ZDHHC6: variants seen among roughly 807,000 people sequenced by gnomAD.
ZDHHC6 encodes zDHHC palmitoyltransferase 6, also known as palmitoyltransferase ZDHHC6.
A neutral mutation model predicts 57.8 loss-of-function variants in ZDHHC6; 32 were observed. The observed-to-expected ratio is 0.55, with a 90% confidence interval of 0.42 to 0.74. The LOEUF is 0.74. Among genes scored for constraint, ZDHHC6 ranks in the 30% least tolerant of loss-of-function variants. The probability of loss-of-function intolerance (pLI) is 0.00; values close to 1 mark genes in which losing one functional copy is unlikely to be tolerated. For missense variants in ZDHHC6, 433 were observed against 500.7 expected, an observed-to-expected ratio of 0.86 and a Z score of 1.29; for synonymous variants, 128 against 158.0, an observed-to-expected ratio of 0.81 and a Z score of 1.42.
intron 7 of ZDHHC6, 42 bp from the exon 8 acceptor site, chr10:112,433,323 C>T: frequency 6.7e-7 from 1 of 1,502,744 alleles, no homozygotes; most frequent in South Asian, 1.3e-5. Context: ...AGTCTCTTGT[C>T]TCAATGTTGA....
At chr10:112,428,324 CAT>C (rs1844818381), downstream of ZDHHC6, 2 of 397,212 alleles carry the variant, frequency 5.0e-6, no homozygotes, top group East Asian at 3.6e-5. Flanking sequence ...ACAGATAACA[CAT>C]GTTGTTTCTA....
At chr10:112,425,568 G>C, downstream of ZDHHC6, 10 of 933,162 alleles carry the variant, frequency 1.1e-5, no homozygotes, top group Non-Finnish European at 1.5e-5. Context: ...GTTGGGTTCA[G>C]AATGAGAAGA....
chr10:112,432,323 C>T (rs769094933), intron 9 of ZDHHC6, 37 bp from the exon 10 acceptor site: 1 of 1,607,338 alleles, frequency 6.2e-7, no homozygotes, highest in Admixed American at 1.7e-5. Context: ...ATTTTTTAGG[C>T]TAGATATTAA....
intron 5 of ZDHHC6, 126 bp downstream of exon 5, chr10:112,440,408 C>A: frequency 4.6e-6 from 5 of 1,076,796 alleles, no homozygotes; most frequent in Non-Finnish European, 6.4e-6. Flanking sequence ...GATTAGTTAC[C>A]TAAATGAAAT....
Position 112,430,642 on chromosome 10 carries a change from C to T in ZDHHC6, c.*162G>A, listed in dbSNP as rs1389873504. ...CAAAGGCATATGCAGAATGGCTTCT[C>T]CATTTCAAAATGGTAATAAAAATAT... On this transcript the variant is annotated 3_prime_UTR_variant, in exon 11 of 11. Transcript: ENST00000369405. The T allele has an allele frequency of 5.3e-6, 3 of 569,432 alleles. No individual in the cohort carries two copies. The highest frequency in any genetic ancestry group is 8.9e-6 in the Non-Finnish European group (3 of 337,860). 35.3% of individuals were successfully genotyped at this position (569,432 alleles called of 1,614,324 possible).
At chr10:112,447,556 A>T, upstream of ZDHHC6, 1 of 1,441,406 alleles carries the variant, frequency 6.9e-7, no homozygotes. Flanking sequence ...TGTGTCTATG[A>T]GGCGCGAGGC....
Position 112,445,341 on chromosome 10 carries a change from T to A in ZDHHC6, c.96A>T (p.Ala32=). 1.2e-6 allele frequency: 2 copies of A among 1,614,216 alleles called. No individual in the cohort carries two copies. The highest frequency in any genetic ancestry group is 1.7e-6 in the Non-Finnish European group (2 of 1,180,042). ...WGPIIALGVI[A]ICSTMAMIDS... is the part of the protein sequence containing the mutation. ...CAATCATGGCCATGGTAGAACATATTGCTATAACACCAAGGGCTATGATGG... is the reference window on the plus strand; with the variant it reads ...CAATCATGGCCATGGTAGAACATATAGCTATAACACCAAGGGCTATGATGG... The change falls in exon 2 of 11, where the codon GCA becomes GCT. Residue 32 remains alanine, a synonymous_variant. Transcript: ENST00000369405.
intron 6 of ZDHHC6, among the ~76,000 whole-genome samples, chr10:112,435,989 C>A (rs1845488687): frequency 6.6e-6 from 1 of 152,040 alleles, no homozygotes; most frequent in South Asian, 2.1e-4. Context: ...AGGAAGGGTC[C>A]TTGGGAGAAA....
chr10:112,443,543 G>A lies in ZDHHC6; in HGVS notation c.331C>T (p.Arg111Cys). The change falls in exon 3 of 11, where the codon CGT (arginine) becomes TGT (cysteine). Residue 111 changes from arginine to cysteine, a missense_variant. Arg to Cys is a radical substitution (Grantham distance 180). Coordinates refer to ENST00000369405, the MANE Select transcript of ZDHHC6 (RefSeq NM_022494.3). ...CKVCQAYKAP[R>C]SHHCRKCNRC... ...TTACACTTTCTGCAGTGATGTGAAC[G>A]TGGTGCCTTGTATGCTTGGCAGACT... 3 of 1,613,934 alleles carry A rather than the reference G, an allele frequency of 1.9e-6. No individual in the cohort carries two copies. Among genetic ancestry groups the A allele is most frequent in the Non-Finnish European group, 2.5e-6 (3 of 1,179,854 alleles).
At chr10:112,424,878 T>G (rs1844608938) in exon 12 of ZDHHC6, 1 of 152,824 alleles carries the variant, frequency 6.5e-6, no homozygotes, top group Non-Finnish European at 1.5e-5. Flanking sequence ...ACAGTGGAGC[T>G]GTTTGAGCCT....
In ZDHHC6 at chr10:112,430,696, G is replaced by T; in HGVS notation, c.*108C>A. 1 of 923,822 alleles carries T rather than the reference G, an allele frequency of 1.1e-6. No individual in the cohort carries two copies. Among genetic ancestry groups the T allele is most frequent in the Non-Finnish European group, 1.6e-6 (1 of 641,040 alleles). 57.2% of individuals were successfully genotyped at this position (923,822 alleles called of 1,614,324 possible). On this transcript the variant is annotated 3_prime_UTR_variant, in exon 11 of 11. Transcript: ENST00000369405. ...AATCATGGCACTAGGGCACCTTTGA[G>T]GAAAAGAACATCTTAACCAGAGTAG...
intron 6 of ZDHHC6, among the ~76,000 whole-genome samples, chr10:112,436,640 A>T (rs1035084117): frequency 6.6e-6 from 1 of 152,214 alleles, no homozygotes; most frequent in Non-Finnish European, 1.5e-5. Context: ...TTTCATAATA[A>T]TACTGAAATG....
chr10:112,434,445 T>C lies in ZDHHC6; in HGVS notation c.755A>G (p.Tyr252Cys), dbSNP rs768139863. 8 of 1,613,178 alleles carry C rather than the reference T, an allele frequency of 5.0e-6. No individual in the cohort carries two copies. In the East Asian group the frequency reaches 1.1e-4, roughly 22 times the overall value. ...AACAAAGACTTCATCTAGTTGATAA[T>C]ACTGAATTCGATCTTTAGCCTGTGG... ...IEEKAKDRIQ[Y>C]YQLDEVFVFP... The change falls in exon 7 of 11, where the codon TAT (tyrosine) becomes TGT (cysteine). Residue 252 changes from tyrosine to cysteine, a missense_variant. By Grantham distance (194) the Tyr-to-Cys change is radical (BLOSUM62 -2). Coordinates refer to ENST00000369405, the MANE Select transcript of ZDHHC6 (RefSeq NM_022494.3).
At chr10:112,427,926 T>G (rs1406332623), downstream of ZDHHC6, 1 of 153,040 alleles carries the variant, frequency 6.5e-6, no homozygotes, top group Non-Finnish European at 1.5e-5. Context: ...CTGCGTAAAT[T>G]AAATTGTGTA....
intron 5 of ZDHHC6, 148 bp downstream of exon 5, chr10:112,440,386 G>A (rs370439472): frequency 6.9e-5 from 58 of 841,988 alleles, no homozygotes; most frequent in African/African-American, 2.8e-4. Context: ...ATTATCTGAC[G>A]AATACAAAGG....
In ZDHHC6 at chr10:112,430,722, G is replaced by A; in HGVS notation, c.*82C>T. ...GAAAAGAACATCTTAACCAGAGTAG[G>A]CTCATTGCATAATTCTTTAGTAATA... On this transcript the variant is annotated 3_prime_UTR_variant, in exon 11 of 11. Transcript: ENST00000369405. 3 of 1,213,348 alleles carry A rather than the reference G, an allele frequency of 2.5e-6. No homozygotes were observed. The highest frequency in any genetic ancestry group is 2.9e-5 in the South Asian group (2 of 68,130). The allele number at this position is 1,213,348 out of a possible 1,614,324, so 75.2% of individuals were successfully genotyped here.
At chr10:112,427,177 A>G (rs762223136), downstream of ZDHHC6, 28 of 1,576,958 alleles carry the variant, frequency 1.8e-5, no homozygotes, top group Non-Finnish European at 2.2e-5. Context: ...GAGAAGTCCA[A>G]ATCACTAATG....
chr10:112,446,218 G>T (rs1846690143), intron 1 of ZDHHC6, among the ~76,000 whole-genome samples: 1 of 152,082 alleles, frequency 6.6e-6, no homozygotes, highest in Admixed American at 6.6e-5. Flanking sequence ...AGTCAATTTG[G>T]CCCAAAAGTA....
downstream of ZDHHC6, chr10:112,426,740 C>A: frequency 6.4e-7 from 1 of 1,554,478 alleles, no homozygotes; most frequent in South Asian, 1.1e-5. Flanking sequence ...CTTAGCCCTT[C>A]AGGCTTTTTG....
Sources: gnomAD v4.1 joint callset for allele counts (sites outside exome capture counted in the v4.1 genomes callset) on GRCh38, gnomAD v4.1.1 for gene constraint, MANE v1.5 for transcripts, NCBI Gene and HGNC (gene_info 2026-07-23, HGNC 2026-07-21) for gene names.